Variants in MMAA observed in about 807,000 individuals in gnomAD.
The protein encoded by MMAA is methylmalonic aciduria type A protein, mitochondrial.
MMAA carries 41 observed loss-of-function variants against 45.0 expected under a neutral mutation model. The observed-to-expected ratio is 0.91, with a 90% CI of 0.71 to 1.18. The LOEUF (loss-of-function observed/expected upper bound fraction) is 1.18, where lower values mean the gene tolerates loss of function less well. Among genes scored for constraint, MMAA ranks in the 50% most tolerant of loss-of-function variants. MMAA has a pLI of 0.00. For synonymous variants in MMAA, 154 were observed against 178.2 expected, an observed-to-expected ratio of 0.86 and a Z score of 1.08; for missense variants, 460 against 495.7, an observed-to-expected ratio of 0.93 and a Z score of 0.68.
chr4:145,629,101 A>G, intron 1 of MMAA, among the ~76,000 whole-genome samples: 1 of 152,042 alleles, frequency 6.6e-6, no homozygotes, highest in East Asian at 1.9e-4. Flanking sequence ...CGTTGATATG[A>G]TATATCACAT....
intron 1 of MMAA, among the ~76,000 whole-genome samples, chr4:145,620,419 T>A (rs552719097): frequency 1.3e-5 from 2 of 152,240 alleles, no homozygotes; most frequent in Non-Finnish European, 2.9e-5. Context: ...ACCATTTAGC[T>A]GATTGTTGCC....
At chr4:145,644,771 C>T (rs1727880306) in intron 3 of MMAA, among the ~76,000 whole-genome samples, 3 of 152,162 alleles carry the variant, frequency 2.0e-5, no homozygotes, top group South Asian at 2.1e-4. Flanking sequence ...AGCATGGTTT[C>T]TCAAGTTTGG....
Position 145,639,246 on chromosome 4 carries a change from C to G in MMAA, c.107C>G (p.Ser36Ter), listed in dbSNP as rs1432231626. Residue 36 changes from serine to a stop codon, truncating the protein, a stop_gained, in exon 2 of 7, where the codon TCA becomes TGA. Transcript: ENST00000649156. LOFTEE classifies it high-confidence loss of function. ...TTTCACTCAAGTACTCATCTCGGAT[C>G]AGGAATCCCATGTGCTCAGCCGTTT... ...FIFHSSTHLG[S>*]GIPCAQPFNS... The G allele has an allele frequency of 6.2e-7, 1 of 1,614,164 alleles. No individual in the cohort carries two copies. The highest frequency in any genetic ancestry group is 8.5e-7 in the Non-Finnish European group (1 of 1,180,036).
At chr4:145,630,651 C>T (rs1734318199) in intron 1 of MMAA, among the ~76,000 whole-genome samples, 1 of 152,170 alleles carries the variant, frequency 6.6e-6, no homozygotes, top group Non-Finnish European at 1.5e-5. Context: ...TCGCTTGAAC[C>T]CAGGAGGCGG....
At chr4:145,651,545 G>C (rs1269009633) in intron 5 of MMAA, among the ~76,000 whole-genome samples, 1 of 152,118 alleles carries the variant, frequency 6.6e-6, no homozygotes, top group African/African-American at 2.4e-5. Flanking sequence ...CGCAGTTCTG[G>C]CACAACTACC....
At chr4:145,634,126 G>C (rs1727543121) in intron 1 of MMAA, among the ~76,000 whole-genome samples, 1 of 152,220 alleles carries the variant, frequency 6.6e-6, no homozygotes, top group Non-Finnish European at 1.5e-5. Flanking sequence ...AGCCAGACAG[G>C]CTTATGTCCT....
intron 3 of MMAA, among the ~76,000 whole-genome samples, chr4:145,645,301 G>A (rs1395446376): frequency 6.6e-6 from 1 of 152,210 alleles, no homozygotes; most frequent in Non-Finnish European, 1.5e-5. Context: ...GAAAATCACA[G>A]AGATGGGCAT....
chr4:145,640,251 T>C (rs1268668727), intron 2 of MMAA, among the ~76,000 whole-genome samples: 1 of 152,124 alleles, frequency 6.6e-6, no homozygotes, highest in Non-Finnish European at 1.5e-5. Context: ...TAGCTAGGAT[T>C]ACAGGCATGC....
At chr4:145,634,121 G>C (rs1236199663) in intron 1 of MMAA, among the ~76,000 whole-genome samples, 1 of 152,226 alleles carries the variant, frequency 6.6e-6, no homozygotes, top group Non-Finnish European at 1.5e-5. Context: ...GGCAAAGCCA[G>C]ACAGGCTTAT....
rs781525637 is a variant in MMAA at position 145,646,125 on chromosome 4, G to C, written c.702G>C (p.Ala234=). The C allele has an allele frequency of 1.2e-6, 2 of 1,613,986 alleles. No homozygotes were observed. The highest frequency in any genetic ancestry group is 1.7e-6 in the Non-Finnish European group (2 of 1,179,940). The change falls in exon 4 of 7, where the codon GCG becomes GCC. Residue 234 remains alanine (A), a synonymous_variant. Coordinates refer to ENST00000649156, the MANE Select transcript of MMAA (RefSeq NM_172250.3). ...TNEAILLCEG[A]GYDIILIETV... ...AAGCTATTCTGTTGTGTGAAGGAGCGGGATATGACATAATTCTTATTGAAA... is the reference window on the plus strand; with the variant it reads ...AAGCTATTCTGTTGTGTGAAGGAGCCGGATATGACATAATTCTTATTGAAA...
chr4:145,632,841 C>G (rs1395144063), intron 1 of MMAA, among the ~76,000 whole-genome samples: 1 of 151,682 alleles, frequency 6.6e-6, no homozygotes, highest in African/African-American at 2.4e-5. Flanking sequence ...TGCTGCAGCC[C>G]CTACCTCCCA....
At chr4:145,646,326 C>T in intron 4 of MMAA, 170 bp downstream of exon 4, 2 of 744,502 alleles carry the variant, frequency 2.7e-6, no homozygotes, top group Non-Finnish European at 4.3e-6. Context: ...AATCTTTACC[C>T]TCCAAGATCT....
intron 4 of MMAA, 39 bp from the exon 5 acceptor site, chr4:145,651,023 G>C (rs752000155): frequency 6.4e-7 from 1 of 1,552,918 alleles, no homozygotes; most frequent in Non-Finnish European, 8.9e-7. Context: ...TCAAATAATG[G>C]TGAGTATTTT....
In MMAA at chr4:145,646,146, T is replaced by A; in HGVS notation, c.723T>A (p.Ile241=). 1 of 1,614,090 alleles carries A rather than the reference T, an allele frequency of 6.2e-7. No homozygotes were observed. Among genetic ancestry groups the A allele is most frequent in the Non-Finnish European group, 8.5e-7 (1 of 1,179,926 alleles). The part of the protein sequence containing the change: ...CEGAGYDIIL[I]ETVGVGQSEF... ...GAGCGGGATATGACATAATTCTTAT[T>A]GAAACCGTTGGTGAGTGTGATATTC... The change falls in exon 4 of 7, where the codon ATT becomes ATA. Residue 241 remains isoleucine (I), a synonymous_variant. Transcript: ENST00000649156.
At chr4:145,655,009 G>C in intron 6 of MMAA, 138 bp from the exon 7 acceptor site, 1 of 864,250 alleles carries the variant, frequency 1.2e-6, no homozygotes, top group African/African-American at 1.7e-5. Context: ...TATTTACTTT[G>C]ACACAGCAAT....
chr4:145,650,673 C>T (rs1015239548), intron 4 of MMAA: 9 of 259,438 alleles, frequency 3.5e-5, no homozygotes, highest in South Asian at 3.5e-4. Context: ...CATAATTGGG[C>T]GTTTGCAGGC....
At chr4:145,637,443 AC>A (rs959299101) in intron 1 of MMAA, among the ~76,000 whole-genome samples, 10 of 151,514 alleles carry the variant, frequency 6.6e-5, no homozygotes, top group African/African-American at 1.7e-4. Flanking sequence ...ATTATAATGC[AC>A]CCCCCACCCC....
chr4:145,620,183 A>G (rs927286460), intron 1 of MMAA, among the ~76,000 whole-genome samples: 1 of 152,342 alleles, frequency 6.6e-6, no homozygotes, highest in Non-Finnish European at 1.5e-5. Flanking sequence ...TTCTTTTACA[A>G]TAATTTTGCA....
chr4:145,642,643 T>A lies in MMAA; in HGVS notation c.562+158T>A, dbSNP rs1478764483. The A allele has an allele frequency of 4.7e-6, 5 of 1,063,524 alleles. No homozygotes were observed. The African/African-American group carries it at 6.2e-5, about 13-fold the overall frequency. 65.9% of individuals were successfully genotyped at this position (1,063,524 alleles called of 1,614,324 possible). A position where few individuals can be genotyped will look rare whatever the true frequency, so the allele number is the denominator to read the frequency against. ...AGAGTTAGGTGGAAGCTGAGAGAAG[T>A]AGTTTGGGAGTGTTGTACTCCTCAG... On this transcript the variant is annotated intron_variant, in intron 3 of 6. Transcript: ENST00000649156.
Sources: gnomAD v4.1 joint callset for allele counts (sites outside exome capture counted in the v4.1 genomes callset) on GRCh38, gnomAD v4.1.1 for gene constraint, MANE v1.5 for transcripts, NCBI Gene and HGNC (gene_info 2026-07-23, HGNC 2026-07-21) for gene names.